The following ARSK variants were observed in gnomAD, a reference collection of about 807,000 sequenced individuals.
The protein encoded by ARSK is arylsulfatase family member K.
In ARSK, 37 loss-of-function variants were observed where a neutral mutation model predicts 53.2. The observed-to-expected ratio is 0.70, with a 90% CI of 0.54 to 0.92. ARSK has a LOEUF of 0.92. ARSK is among the 40% of genes least tolerant of loss of function. ARSK has a pLI of 0.00. For missense variants in ARSK, 613 were observed against 643.0 expected (o/e 0.95, Z 0.51); for synonymous variants, 208 against 223.2 (o/e 0.93, Z 0.61).
At chr5:95,585,483 A>G (rs1749096525) in intron 4 of ARSK, among the ~76,000 whole-genome samples, 1 of 152,238 alleles carries the variant, frequency 6.6e-6, no homozygotes, top group South Asian at 2.1e-4. Context: ...AATACTACTC[A>G]GCCGTAAGAA....
intron 3 of ARSK, among the ~76,000 whole-genome samples, chr5:95,572,411 T>C (rs1243555499): frequency 1.3e-5 from 2 of 152,254 alleles, no homozygotes; most frequent in Non-Finnish European, 2.9e-5. Context: ...CTGATACTCA[T>C]CTGCCCCTTC....
intron 6 of ARSK, among the ~76,000 whole-genome samples, chr5:95,597,782 T>A (rs1239748400): frequency 6.6e-6 from 1 of 151,888 alleles, no homozygotes; most frequent in East Asian, 1.9e-4. Context: ...TAATCCCAGC[T>A]ACTCGGGAGG....
At chr5:95,556,188 T>G in intron 1 of ARSK, 1 of 702,350 alleles carries the variant, frequency 1.4e-6, no homozygotes, top group East Asian at 2.7e-5. Context: ...TAATCATATG[T>G]TGTATTTCCT....
At chr5:95,600,617 T>C in intron 6 of ARSK, 1 of 661,312 alleles carries the variant, frequency 1.5e-6, no homozygotes, top group Non-Finnish European at 2.8e-6. Context: ...GTCATCCCCT[T>C]CTTACAGATG....
chr5:95,571,152 A>C (rs1748824322), intron 3 of ARSK, among the ~76,000 whole-genome samples: 1 of 152,224 alleles, frequency 6.6e-6, no homozygotes, highest in Admixed American at 6.5e-5. Context: ...TCTCTTTAAA[A>C]TCTTTCTCCT....
chr5:95,592,635 G>T (rs1322827706), intron 6 of ARSK, among the ~76,000 whole-genome samples: 1 of 151,980 alleles, frequency 6.6e-6, no homozygotes, highest in Non-Finnish European at 1.5e-5. Context: ...TGCAACCTCT[G>T]CCTAACAGTT....
chr5:95,564,071 G>A (rs571952906), intron 1 of ARSK, among the ~76,000 whole-genome samples: 119 of 148,028 alleles, frequency 8.0e-4, no homozygotes, highest in South Asian at 7.5e-3. Flanking sequence ...TCTGCTTCCC[G>A]GATTCAAGTG....
chr5:95,557,020 T>A (rs559849002), intron 1 of ARSK: 14 of 150,538 alleles, frequency 9.3e-5, no homozygotes, highest in Middle Eastern at 3.4e-3. Context: ...GAAAAAAAAA[T>A]AAAAATAAAA....
chr5:95,592,796 C>G (rs1749242014), intron 6 of ARSK, among the ~76,000 whole-genome samples: 1 of 152,188 alleles, frequency 6.6e-6, no homozygotes, highest in Admixed American at 6.5e-5. Flanking sequence ...ATCCGCTTGC[C>G]TCGGCCTCCC....
intron 1 of ARSK, among the ~76,000 whole-genome samples, chr5:95,563,257 C>G (rs971327608): frequency 3.3e-5 from 5 of 152,022 alleles, no homozygotes; most frequent in Non-Finnish European, 7.4e-5. Context: ...TAAATATTTC[C>G]TAGGAACCAA....
chr5:95,585,934 C>A (rs960165897), intron 4 of ARSK, among the ~76,000 whole-genome samples: 1 of 152,110 alleles, frequency 6.6e-6, no homozygotes, highest in Non-Finnish European at 1.5e-5. Flanking sequence ...GTTTCATCTT[C>A]AAAAATTTGT....
At chr5:95,562,570 TG>T (rs1748660817) in intron 1 of ARSK, among the ~76,000 whole-genome samples, 1 of 152,174 alleles carries the variant, frequency 6.6e-6, no homozygotes, top group Non-Finnish European at 1.5e-5. Context: ...TGGCCCATAA[TG>T]ATAAGGAACC....
At chr5:95,570,898 C>T (rs1035435724) in intron 3 of ARSK, among the ~76,000 whole-genome samples, 1 of 152,052 alleles carries the variant, frequency 6.6e-6, no homozygotes, top group Non-Finnish European at 1.5e-5. Flanking sequence ...TCTCCTGCCT[C>T]AGCCTCCTGA....
chr5:95,589,748 T>C lies in ARSK; in HGVS notation c.872-1653T>C, dbSNP rs2112439967. Among the ~76,000 whole-genome samples, 3 of 152,332 alleles carry C rather than the reference T, an allele frequency of 2.0e-5. No homozygotes were observed. In the Middle Eastern group the frequency reaches 0.01, roughly 518 times the overall value. ...GTGCTGCAGTGAACACACATGTGCATGTATCTTTGTAATAGAATGATGTAT... is the reference window on the plus strand; with the variant it reads ...GTGCTGCAGTGAACACACATGTGCACGTATCTTTGTAATAGAATGATGTAT... On this transcript the variant is annotated intron_variant, in intron 5 of 7. Transcript: ENST00000380009.
chr5:95,581,713 T>C lies in ARSK; in HGVS notation c.417-1203T>C, dbSNP rs117420003. 2.0e-5 allele frequency among the ~76,000 whole-genome samples: 3 copies of C among 152,186 alleles called. No individual in the cohort carries two copies. The East Asian group carries it at 5.8e-4, about 29-fold the overall frequency. On this transcript the variant is annotated intron_variant, in intron 3 of 7. Coordinates refer to ENST00000380009, the MANE Select transcript of ARSK (RefSeq NM_198150.3). Reference sequence around the variant, plus strand: ...TAAAATTCCACCTCTGCAACAATACTAATAGTCACATATAGTAAGAGTTAG... The same window carrying C: ...TAAAATTCCACCTCTGCAACAATACCAATAGTCACATATAGTAAGAGTTAG...
intron 3 of ARSK, among the ~76,000 whole-genome samples, chr5:95,577,920 C>T (rs1748952800): frequency 6.6e-6 from 1 of 151,896 alleles, no homozygotes; most frequent in African/African-American, 2.4e-5. Flanking sequence ...TATAATTTTA[C>T]CAAAAAATGA....
chr5:95,556,338 TAC>T, intron 1 of ARSK: 1 of 676,204 alleles, frequency 1.5e-6, no homozygotes. Flanking sequence ...GGCATTTTAT[TAC>T]AGAGTGCTCT....
Position 95,555,203 on chromosome 5 carries a change from G to T in ARSK, c.-76G>T. 2.8e-6 allele frequency: 4 copies of T among 1,432,646 alleles called. No individual in the cohort carries two copies. The highest frequency in any genetic ancestry group is 3.8e-6 in the Non-Finnish European group (4 of 1,061,196). The allele number at this position is 1,432,646 out of a possible 1,614,324, so 88.7% of individuals were successfully genotyped here. A position where few individuals can be genotyped will look rare whatever the true frequency, so the allele number is the denominator to read the frequency against. On this transcript the variant is annotated 5_prime_UTR_variant, in exon 1 of 8. Coordinates refer to ENST00000380009, the MANE Select transcript of ARSK (RefSeq NM_198150.3). The surrounding 1 kb of genome is among the most constrained non-coding windows in gnomAD (Gnocchi z 4.0). ...GCTTTGGGAGTTGTTCGCTGTCCCT[G>T]CCCTGCTCTGCTAGGGAGAGAACGC...
Position 95,601,072 on chromosome 5 carries a change from G to T in ARSK, c.1321+1G>T. On this transcript the variant is annotated splice_donor_variant, in intron 7 of 7. Transcript: ENST00000380009. LOFTEE classifies it high-confidence loss of function. Reference sequence around the variant, plus strand: ...GCATCAATATTGCCTCAACTCTTTGGTAAGTTTGTTAATATATTTTTAAGT... The same window carrying T: ...GCATCAATATTGCCTCAACTCTTTGTTAAGTTTGTTAATATATTTTTAAGT... 1 of 1,608,904 alleles carries T rather than the reference G, an allele frequency of 6.2e-7. No individual in the cohort carries two copies. The highest frequency in any genetic ancestry group is 8.5e-7 in the Non-Finnish European group (1 of 1,175,456).
Sources: allele counts gnomAD v4.1 joint callset (sites outside exome capture counted in the v4.1 genomes callset), GRCh38; gene constraint gnomAD v4.1.1; non-coding constraint Gnocchi (gnomAD v3.1); transcripts MANE v1.5; gene names NCBI Gene and HGNC (gene_info 2026-07-23, HGNC 2026-07-21).